The following CLASP2 variants were observed in gnomAD, a reference collection of about 807,000 sequenced individuals.
CLASP2 encodes the protein CLIP-associating protein 2.
Under a neutral mutation model 194.4 loss-of-function variants are expected in CLASP2, and 47 were observed. The ratio of observed to expected loss-of-function variants is 0.24; its 90% CI spans 0.19 to 0.31. CLASP2 has a LOEUF of 0.31. Among genes scored for constraint, CLASP2 ranks in the 10% least tolerant of loss-of-function variants. The pLI is 1.00. For synonymous variants in CLASP2, 619 were observed against 633.5 expected, an observed-to-expected ratio of 0.98 and a Z score of 0.34; for missense variants, 1,445 against 1,823.6, an observed-to-expected ratio of 0.79 and a Z score of 3.78.
chr3:33,582,681 G>A (rs1422418894), intron 22 of CLASP2, among the ~76,000 whole-genome samples: 5 of 151,872 alleles, frequency 3.3e-5, no homozygotes, highest in Non-Finnish European at 2.9e-5. Context: ...AACAAAAGAG[G>A]AAAAAATAAG....
chr3:33,509,914 G>GTA (rs2049282612), intron 37 of CLASP2, among the ~76,000 whole-genome samples: 3 of 152,034 alleles, frequency 2.0e-5, no homozygotes, highest in African/African-American at 7.2e-5. Context: ...GTTTCTAGAT[G>GTA]TATATATATA....
chr3:33,699,897 G>A (rs1478177681), intron 1 of CLASP2, among the ~76,000 whole-genome samples: 1 of 147,772 alleles, frequency 6.8e-6, no homozygotes, highest in Non-Finnish European at 1.5e-5. Flanking sequence ...AAAGAATGCT[G>A]TCGCTTCATA....
At chr3:33,553,964 C>T (rs1473019075) in intron 29 of CLASP2, among the ~76,000 whole-genome samples, 2 of 152,138 alleles carry the variant, frequency 1.3e-5, no homozygotes, top group Admixed American at 6.5e-5. Flanking sequence ...CAGTGGCTCA[C>T]GCCTGTAATC....
chr3:33,547,790 ATTT>A (rs551611344), intron 30 of CLASP2, among the ~76,000 whole-genome samples: 4 of 135,982 alleles, frequency 2.9e-5, no homozygotes, highest in African/African-American at 5.5e-5. Context: ...TATTTTATGT[ATTT>A]TTTTTTTTTT....
At chr3:33,556,032 A>G (rs771485895) in intron 29 of CLASP2, among the ~76,000 whole-genome samples, 38 of 152,372 alleles carry the variant, frequency 2.5e-4, no homozygotes, top group Non-Finnish European at 4.0e-4. Context: ...AGGAAAAACA[A>G]TCTAGCTGCT....
chr3:33,656,852 C>T (rs747180248), intron 7 of CLASP2, among the ~76,000 whole-genome samples: 13 of 152,006 alleles, frequency 8.6e-5, no homozygotes, highest in Admixed American at 1.3e-4. Flanking sequence ...ACTGAGTAAA[C>T]ACAGCAAATG....
chr3:33,625,949 T>C (rs900874512), intron 10 of CLASP2, among the ~76,000 whole-genome samples: 1 of 151,974 alleles, frequency 6.6e-6, no homozygotes, highest in Non-Finnish European at 1.5e-5. Context: ...AGTTTTTAAG[T>C]AAAACCAAAA....
chr3:33,691,715 C>T (rs1429827144), intron 2 of CLASP2, among the ~76,000 whole-genome samples: 3 of 152,128 alleles, frequency 2.0e-5, no homozygotes, highest in Non-Finnish European at 2.9e-5. Flanking sequence ...AAACACTTAA[C>T]AAATGTTAGA....
intron 7 of CLASP2, chr3:33,659,763 T>A (rs2084977044): frequency 1.3e-5 from 2 of 152,158 alleles, no homozygotes; most frequent in Admixed American, 1.3e-4. Context: ...CTGACAACCA[T>A]CAGCACATTG....
intron 6 of CLASP2, chr3:33,683,323 A>C (rs552226300): frequency 6.6e-6 from 1 of 152,346 alleles, no homozygotes; most frequent in East Asian, 1.9e-4. Context: ...TTTGAATTTT[A>C]AAACATTTCA....
chr3:33,604,883 G>C (rs894247367), intron 16 of CLASP2, among the ~76,000 whole-genome samples: 3 of 152,106 alleles, frequency 2.0e-5, no homozygotes, highest in East Asian at 1.9e-4. Flanking sequence ...TAGAAGAAAG[G>C]GGTAGTGTTA....
chr3:33,708,519 T>C (rs148596035), intron 1 of CLASP2, among the ~76,000 whole-genome samples: 4,119 of 117,320 alleles, frequency 0.035, 213 homozygotes, highest in African/African-American at 0.13. Flanking sequence ...TATATATGTA[T>C]ATATGTATAT....
chr3:33,515,138 G>A (rs1454317193), intron 36 of CLASP2, among the ~76,000 whole-genome samples: 2 of 152,052 alleles, frequency 1.3e-5, no homozygotes, highest in African/African-American at 2.4e-5. Context: ...CTAGGGTGAC[G>A]GATGCACCAA....
intron 33 of CLASP2, among the ~76,000 whole-genome samples, chr3:33,536,255 CAA>C (rs71952127): frequency 7.3e-6 from 1 of 137,052 alleles, no homozygotes. Context: ...AGGGACAGAC[CAA>C]AAAAAAAAAA....
intron 25 of CLASP2, among the ~76,000 whole-genome samples, chr3:33,572,371 A>T (rs1445393745): frequency 6.6e-6 from 1 of 152,216 alleles, no homozygotes; most frequent in Non-Finnish European, 1.5e-5. Context: ...ATTTATTTTA[A>T]ATTATATAGT....
chr3:33,716,370 AC>A (rs1356511954), intron 1 of CLASP2, among the ~76,000 whole-genome samples: 1 of 152,308 alleles, frequency 6.6e-6, no homozygotes, highest in East Asian at 1.9e-4. Flanking sequence ...ATAACAGAAA[AC>A]TAGCATACTG....
chr3:33,568,039 G>A (rs193264278), intron 26 of CLASP2, among the ~76,000 whole-genome samples: 2 of 152,044 alleles, frequency 1.3e-5, no homozygotes, highest in African/African-American at 4.8e-5. Flanking sequence ...GGTATATGAA[G>A]GAAAAAAAGT....
chr3:33,682,113 C>T (rs149105757), intron 6 of CLASP2, among the ~76,000 whole-genome samples: 36 of 152,234 alleles, frequency 2.4e-4, no homozygotes, highest in East Asian at 1.5e-3. Context: ...GCCAAATAAA[C>T]GTCTTTTCTT....
intron 2 of CLASP2, among the ~76,000 whole-genome samples, chr3:33,694,374 G>A (rs1053797942): frequency 6.6e-6 from 1 of 152,112 alleles, no homozygotes; most frequent in Non-Finnish European, 1.5e-5. Flanking sequence ...ACCCCATGTG[G>A]TACTCCTGGT....
Sources: gnomAD v4.1 joint callset for allele counts (sites outside exome capture counted in the v4.1 genomes callset) on GRCh38, gnomAD v4.1.1 for gene constraint, MANE v1.5 for transcripts, NCBI Gene and HGNC (gene_info 2026-07-23, HGNC 2026-07-21) for gene names.